The following LRRC27 variants were observed in gnomAD, a reference collection of about 807,000 sequenced individuals.
LRRC27 encodes the protein leucine rich repeat containing 27.
Under a neutral mutation model 55.0 loss-of-function variants are expected in LRRC27, and 57 were observed. The ratio of observed to expected loss-of-function variants is 1.04; its 90% CI spans 0.84 to 1.29. The LOEUF (loss-of-function observed/expected upper bound fraction) is 1.29, where lower values mean the gene tolerates loss of function less well. Among genes scored for constraint, LRRC27 ranks in the 50% most tolerant of loss-of-function variants. The probability of loss-of-function intolerance (pLI) is 0.00; values close to 1 mark genes in which losing one functional copy is unlikely to be tolerated. For synonymous variants in LRRC27, 278 were observed against 251.9 expected (o/e 1.10, Z -0.98); for missense variants, 721 against 651.5 (o/e 1.11, Z -1.16).
At chr10:132,345,365 C>T (rs4282919) in intron 5 of LRRC27, among the ~76,000 whole-genome samples, 3,185 of 151,658 alleles carry the variant, frequency 0.021, 101 homozygotes, top group African/African-American at 0.074. Flanking sequence ...AGATGTGCTG[C>T]AATTGAAATG....
intron 6 of LRRC27, 88 bp from the exon 7 acceptor site, chr10:132,351,519 A>C (rs2068008290): frequency 7.0e-7 from 1 of 1,436,154 alleles, no homozygotes; most frequent in Admixed American, 1.9e-5. Flanking sequence ...GATGATCCAC[A>C]GGCCCTCCTT....
At chr10:132,364,981 G>T (rs898360028) in intron 9 of LRRC27, among the ~76,000 whole-genome samples, 1 of 152,198 alleles carries the variant, frequency 6.6e-6, no homozygotes, top group Non-Finnish European at 1.5e-5. Context: ...GAGCCCCAGT[G>T]CTAACAGAAA....
At chr10:132,359,880 G>A (rs139097686) in intron 8 of LRRC27, among the ~76,000 whole-genome samples, 24 of 152,312 alleles carry the variant, frequency 1.6e-4, no homozygotes, top group African/African-American at 4.3e-4. Flanking sequence ...CCCATTCCAC[G>A]CCACCAAAGC....
Position 132,355,874 on chromosome 10 carries a change from G to T in LRRC27, c.1158G>T (p.Pro386=), listed in dbSNP as rs762532491. ...AAGAGCTCAGCAAACTCCTGCCTCC[G>T]CGGAGGAGCATGGTACGGCACGCGC... ...RKEELSKLLP[P]RRSMVASKIP... The change falls in exon 8 of 11, where the codon CCG becomes CCT. Residue 386 remains proline (P), a synonymous_variant. Coordinates refer to ENST00000368614, the MANE Select transcript of LRRC27 (RefSeq NM_030626.3). 31 of 1,554,406 alleles carry T rather than the reference G, an allele frequency of 2.0e-5. No individual in the cohort carries two copies. The highest frequency in any genetic ancestry group is 3.9e-5 in the Admixed American group (2 of 51,452).
At chr10:132,361,309 C>T (rs2068603653) in intron 8 of LRRC27, 148 bp from the exon 9 acceptor site, 1 of 718,912 alleles carries the variant, frequency 1.4e-6, no homozygotes, top group Admixed American at 2.0e-5. Context: ...GGGGGGATGA[C>T]TGCGTTGCAC....
In LRRC27 at chr10:132,380,954, T is replaced by G. The variant is rs1157822340; in HGVS notation, c.*5712T>G. 6.6e-6 allele frequency among the ~76,000 whole-genome samples: 1 copy of G among 152,264 alleles called. No individual in the cohort carries two copies. Among genetic ancestry groups the G allele is most frequent in the Admixed American group, 6.5e-5 (1 of 15,288 alleles). Reference sequence around the variant, plus strand: ...GGCACAAAAGCCTTAACACTTTCTGTGAAATACCTTTTTATCTTGTATTGG... The same window carrying G: ...GGCACAAAAGCCTTAACACTTTCTGGGAAATACCTTTTTATCTTGTATTGG... On this transcript the variant is annotated 3_prime_UTR_variant, in exon 11 of 11. Transcript: ENST00000368614.
chr10:132,361,647 A>G, intron 9 of LRRC27, 72 bp downstream of exon 9: 1 of 1,127,468 alleles, frequency 8.9e-7, no homozygotes, highest in Non-Finnish European at 1.3e-6. Flanking sequence ...GCTGTTGTTT[A>G]TTTCATGAGC....
chr10:132,346,837 C>G (rs1016703607), intron 5 of LRRC27, among the ~76,000 whole-genome samples: 2 of 152,116 alleles, frequency 1.3e-5, no homozygotes, highest in African/African-American at 2.4e-5. Context: ...TTTACAACTT[C>G]TTAGGACGTT....
chr10:132,380,712 A>G lies in LRRC27; in HGVS notation c.*5470A>G, dbSNP rs138658548. ...GTGTATTTTTCATGTTGAGCGCAATACTGTAAACCTTGAAGAACACTTTGG... is the reference window on the plus strand; with the variant it reads ...GTGTATTTTTCATGTTGAGCGCAATGCTGTAAACCTTGAAGAACACTTTGG... On this transcript the variant is annotated 3_prime_UTR_variant, in exon 11 of 11. Transcript: ENST00000368614. 4.6e-4 allele frequency among the ~76,000 whole-genome samples: 70 copies of G among 152,300 alleles called. 1 individual carries two copies. The highest frequency in any genetic ancestry group is 2.9e-3 in the South Asian group (14 of 4,826).
chr10:132,334,445 T>C (rs1043608349), intron 2 of LRRC27, among the ~76,000 whole-genome samples: 1 of 152,236 alleles, frequency 6.6e-6, no homozygotes, highest in African/African-American at 2.4e-5. Flanking sequence ...TTCACCATGT[T>C]GCCCAGGCTG....
upstream of LRRC27, chr10:132,331,846 G>A (rs750554970): frequency 1.4e-6 from 2 of 1,473,932 alleles, no homozygotes; most frequent in Admixed American, 2.0e-5. Flanking sequence ...GCGGAAAAAC[G>A]GATGCTACCG....
At chr10:132,351,350 T>G in intron 6 of LRRC27, 1 of 425,750 alleles carries the variant, frequency 2.3e-6, no homozygotes, top group Non-Finnish European at 4.3e-6. Context: ...CCAAGCCGAC[T>G]GTCAAGCGTC....
At chr10:132,331,365 G>C, upstream of LRRC27, 2 of 1,481,504 alleles carry the variant, frequency 1.3e-6, no homozygotes, top group South Asian at 1.3e-5. Flanking sequence ...GACCACGCGA[G>C]CACCTCCCCT....
intron 7 of LRRC27, among the ~76,000 whole-genome samples, chr10:132,352,149 C>CTGAGGCCTCCGTGTGGGGCAGGT (rs2068062036): frequency 1.7e-5 from 1 of 60,070 alleles, no homozygotes; most frequent in Non-Finnish European, 3.8e-5. Context: ...GTGGGGCAGG[C>CTGAGGCCTCCGTGTGGGGCAGGT]GCTGAGGCCT....
chr10:132,336,803 A>C (rs754493706), intron 2 of LRRC27: 2 of 770,754 alleles, frequency 2.6e-6, no homozygotes, highest in Non-Finnish European at 4.8e-6. Context: ...GGAAATACAG[A>C]TATGGATATA....
At chr10:132,337,383 CTT>C (rs1307859850) in intron 2 of LRRC27, 180 bp from the exon 3 acceptor site, 3 of 1,384,542 alleles carry the variant, frequency 2.2e-6, no homozygotes, top group Admixed American at 3.3e-5. Flanking sequence ...TGGTTCTTTT[CTT>C]TCTGATTCTT....
rs138622970 is a variant in LRRC27, at chr10:132,350,178, G to A, written c.927-1429G>A. Among the ~76,000 whole-genome samples the A allele has an allele frequency of 8.6e-4, 131 of 152,318 alleles. 1 individual carries two copies. Among genetic ancestry groups the A allele is most frequent in the African/African-American group, 3.1e-3 (128 of 41,574 alleles). Reference sequence around the variant, plus strand: ...CATGTCCAAAATACTTGCAAGAAAAGTGATGTTATGTAAAAATCATAGGTA... The same window carrying A: ...CATGTCCAAAATACTTGCAAGAAAAATGATGTTATGTAAAAATCATAGGTA... On this transcript the variant is annotated intron_variant, in intron 6 of 10. Transcript: ENST00000368614.
At position 132,379,012 on chromosome 10, in the gene LRRC27, C is replaced by G. The variant is rs1468916711; in HGVS notation, c.*3770C>G. The G allele has an allele frequency of 1.3e-5, 2 of 150,236 alleles. No individual in the cohort carries two copies. Among genetic ancestry groups the G allele is most frequent in the Non-Finnish European group, 2.9e-5 (2 of 67,978 alleles). 9.3% of individuals were successfully genotyped at this position (150,236 alleles called of 1,614,324 possible). Reference sequence around the variant, plus strand: ...TGCTCATCTCCAGCATTTCCTCTCACCTCCGTGTTCTCGGGGAGTGCGTGG... The same window carrying G: ...TGCTCATCTCCAGCATTTCCTCTCAGCTCCGTGTTCTCGGGGAGTGCGTGG... On this transcript the variant is annotated 3_prime_UTR_variant, in exon 11 of 11. Coordinates refer to ENST00000368614, the MANE Select transcript of LRRC27 (RefSeq NM_030626.3).
At chr10:132,340,842 C>T (rs1020020453) in intron 3 of LRRC27, among the ~76,000 whole-genome samples, 3 of 146,420 alleles carry the variant, frequency 2.0e-5, no homozygotes, top group Admixed American at 6.9e-5. Flanking sequence ...GATCACACCA[C>T]TGCACTCCAG....
Sources: gnomAD v4.1 joint callset for allele counts (sites outside exome capture counted in the v4.1 genomes callset) on GRCh38, gnomAD v4.1.1 for gene constraint, MANE v1.5 for transcripts, NCBI Gene and HGNC (gene_info 2026-07-23, HGNC 2026-07-21) for gene names.